The following PSMD1 variants were observed in gnomAD, a reference collection of about 807,000 sequenced individuals.
The protein encoded by PSMD1 is proteasome 26S subunit, non-ATPase 1.
A neutral mutation model predicts 119.0 loss-of-function variants in PSMD1; 18 were observed. The ratio of observed to expected loss-of-function variants is 0.15; its 90% CI spans 0.10 to 0.22. PSMD1 has a LOEUF of 0.22. Ranked by LOEUF, PSMD1 falls within the 10% of genes least tolerant of loss-of-function variation. The probability of loss-of-function intolerance (pLI) is 1.00; values close to 1 mark genes in which losing one functional copy is unlikely to be tolerated. For missense variants in PSMD1, 702 were observed against 1,158.5 expected (o/e 0.61, Z 5.72); for synonymous variants, 374 against 396.6 (o/e 0.94, Z 0.68).
In PSMD1 at chr2:231,146,233, C is replaced by A. The variant is rs367685231; in HGVS notation, c.1999-7C>A. On this transcript the variant is annotated splice_region_variant and splice_polypyrimidine_tract_variant and intron_variant, in intron 17 of 24. Coordinates refer to ENST00000308696, the MANE Select transcript of PSMD1 (RefSeq NM_002807.4). ...TAAAAGTTGTGTGTTTTTTTAAATT[C>A]TTTCAGGAAGCCATTAATTTGCTAG... The A allele has an allele frequency of 1.9e-6, 3 of 1,594,792 alleles. No individual in the cohort carries two copies. Among genetic ancestry groups the A allele is most frequent in the East Asian group, 4.5e-5 (2 of 44,672 alleles).
At chr2:231,152,050 G>A (rs1303780637) in intron 18 of PSMD1, among the ~76,000 whole-genome samples, 2 of 152,094 alleles carry the variant, frequency 1.3e-5, no homozygotes, top group Admixed American at 1.3e-4. Flanking sequence ...CTGACCTCAG[G>A]TGATTCACCT....
chr2:231,094,123 T>C (rs1044385280), intron 16 of PSMD1, among the ~76,000 whole-genome samples: 4 of 152,124 alleles, frequency 2.6e-5, no homozygotes, highest in African/African-American at 9.7e-5. Context: ...CCTCTAGGGT[T>C]AACACCTGTT....
chr2:231,123,620 C>T lies in PSMD1; in HGVS notation c.1884-15116C>T, dbSNP rs751825504. 26 of 1,613,972 alleles carry T rather than the reference C, an allele frequency of 1.6e-5. No individual in the cohort carries two copies. In the African/African-American group the frequency reaches 2.9e-4, roughly 18 times the overall value. On this transcript the variant is annotated intron_variant, in intron 16 of 24. Transcript: ENST00000308696. Reference sequence around the variant, plus strand: ...GCCCAGTGCAGTTTATTTCCCTGTTCCTCAACAATCTGTTTCATTTCCTCT... The same window carrying T: ...GCCCAGTGCAGTTTATTTCCCTGTTTCTCAACAATCTGTTTCATTTCCTCT...
chr2:231,157,646 A>AACCTCC (rs1696541999), intron 19 of PSMD1, among the ~76,000 whole-genome samples: 1 of 151,798 alleles, frequency 6.6e-6, no homozygotes, highest in Non-Finnish European at 1.5e-5. Context: ...GGCTCACTGC[A>AACCTCC]ACCTCCACCT....
intron 1 of PSMD1, 137 bp downstream of exon 1, chr2:231,057,178 C>T: frequency 8.9e-7 from 1 of 1,120,998 alleles, no homozygotes. Flanking sequence ...GGGCCCACCC[C>T]CGGGCCGGGG....
intron 12 of PSMD1, 71 bp from the exon 13 acceptor site, chr2:231,082,812 T>G: frequency 1.7e-6 from 2 of 1,145,912 alleles, no homozygotes; most frequent in Non-Finnish European, 2.6e-6. Flanking sequence ...AACTGTATTT[T>G]GAAATTAGAA....
rs1415188385 is a variant in PSMD1, at chr2:231,120,148, C to T, written c.1884-18588C>T. ...TGTATTTTTAGTAGGGACAGGGTTT[C>T]GCCATCTTGGCCAGGCTGGTCTCGA... On this transcript the variant is annotated intron_variant, in intron 16 of 24. Transcript: ENST00000308696. Among the ~76,000 whole-genome samples, 4 of 152,042 alleles carry T rather than the reference C, an allele frequency of 2.6e-5. 1 individual carries two copies. The highest frequency in any genetic ancestry group is 3.9e-4 in the East Asian group (2 of 5,152).
At chr2:231,108,049 C>G (rs116753202) in intron 16 of PSMD1, among the ~76,000 whole-genome samples, 184 of 152,354 alleles carry the variant, frequency 1.2e-3, no homozygotes, top group Non-Finnish European at 2.1e-3. Flanking sequence ...AATCTTAACT[C>G]ACCTCCAGAT....
rs2125162693 is a variant in PSMD1 at position 231,072,556 on chromosome 2, G to C, written c.881+141G>C. On this transcript the variant is annotated intron_variant, in intron 7 of 24. Transcript: ENST00000308696. ...ATAGATTGTAAAGTCTTATTAGGCT[G>C]TTGCTCTGTTTTGTACTGTGCTGGG... 5.4e-6 allele frequency: 4 copies of C among 738,024 alleles called. No individual in the cohort carries two copies. The East Asian group carries it at 1.1e-4, about 20-fold the overall frequency. 45.7% of individuals were successfully genotyped at this position (738,024 alleles called of 1,614,324 possible).
intron 16 of PSMD1, chr2:231,125,010 A>C (rs564443154): frequency 3.3e-5 from 5 of 152,172 alleles, no homozygotes; most frequent in African/African-American, 1.2e-4. Context: ...ATGTCATCTT[A>C]TCTGTTCACT....
intron 1 of PSMD1, 145 bp downstream of exon 1, chr2:231,057,186 G>T (rs1472934055): frequency 3.8e-6 from 4 of 1,048,568 alleles, no homozygotes; most frequent in South Asian, 3.6e-5. Flanking sequence ...CCCCGGGCCG[G>T]GGGGCTGGGA....
intron 16 of PSMD1, among the ~76,000 whole-genome samples, chr2:231,118,933 T>C (rs946123861): frequency 5.9e-5 from 9 of 152,220 alleles, no homozygotes; most frequent in Admixed American, 2.0e-4. Context: ...TTTTCAAATA[T>C]ACATTTATCT....
At chr2:231,103,614 C>G (rs568599792) in intron 16 of PSMD1, among the ~76,000 whole-genome samples, 1 of 152,228 alleles carries the variant, frequency 6.6e-6, no homozygotes, top group African/African-American at 2.4e-5. Flanking sequence ...CATTTACATT[C>G]TTTTTGTACT....
chr2:231,170,381 T>C lies in PSMD1; in HGVS notation c.2716-185T>C, dbSNP rs1029114464. Reference sequence around the variant, plus strand: ...CACATGTTATACCATCTAGAGCTACTGGGTTAAGTTTGCAAATACTTCGTA... The same window carrying C: ...CACATGTTATACCATCTAGAGCTACCGGGTTAAGTTTGCAAATACTTCGTA... On this transcript the variant is annotated intron_variant, in intron 23 of 24. Transcript: ENST00000308696. This position sits in a 1 kb window ranked among gnomAD's most constrained non-coding sequence, Gnocchi z 4.1. 1 of 519,100 alleles carries C rather than the reference T, an allele frequency of 1.9e-6. No individual in the cohort carries two copies. The highest frequency in any genetic ancestry group is 3.8e-5 in the Admixed American group (1 of 26,148). 32.2% of individuals were successfully genotyped at this position (519,100 alleles called of 1,614,324 possible).
intron 16 of PSMD1, among the ~76,000 whole-genome samples, chr2:231,092,328 C>T (rs922439454): frequency 4.6e-5 from 7 of 152,072 alleles, no homozygotes; most frequent in South Asian, 2.1e-4. Context: ...TCCCTGCACT[C>T]GGGTCACAAA....
chr2:231,144,446 T>TG, intron 17 of PSMD1, among the ~76,000 whole-genome samples: 1 of 114,620 alleles, frequency 8.7e-6, no homozygotes, highest in Non-Finnish European at 1.8e-5. Flanking sequence ...TTTTTTTTTT[T>TG]TTTTGTATTT....
At chr2:231,155,719 G>T (rs1162914106) in intron 19 of PSMD1, among the ~76,000 whole-genome samples, 2 of 151,606 alleles carry the variant, frequency 1.3e-5, no homozygotes, top group East Asian at 3.9e-4. Flanking sequence ...GTCTAATGGA[G>T]TTTTTTGTTT....
In PSMD1 at chr2:231,072,251, A is replaced by G. The variant is rs1461889827; in HGVS notation, c.717A>G (p.Glu239=). 2.5e-6 allele frequency: 4 copies of G among 1,613,852 alleles called. No homozygotes were observed. The Admixed American group carries it at 6.7e-5, about 27-fold the overall frequency. ...VSDILEKLVK[E]DNLLMAYQIC... The stretch of plus-strand genomic sequence containing the variant: ...ATATCTTAGAGAAACTGGTAAAGGA[A>G]GACAACCTCCTGATGGCATATCAGA... The change falls in exon 7 of 25, where the codon GAA becomes GAG. Residue 239 remains glutamate, a synonymous_variant. Transcript: ENST00000308696.
At position 231,067,092 on chromosome 2, in the gene PSMD1, A is replaced by C. The variant is rs75044156; in HGVS notation, c.491A>C (p.Glu164Ala). ...ALETRRLDVF[E>A]KTILESNDVP... is the part of the protein sequence containing the mutation. ...GAGACACGAAGACTGGACGTCTTTGAAAAGACCATACTGGAGTCGGTAGGT... is the reference window on the plus strand; with the variant it reads ...GAGACACGAAGACTGGACGTCTTTGCAAAGACCATACTGGAGTCGGTAGGT... The change falls in exon 5 of 25, where the codon GAA becomes GCA. Residue 164 changes from glutamate (E) to alanine (A), a missense_variant. Physicochemically the swap from Glu to Ala is moderately radical, Grantham distance 107. Transcript: ENST00000308696. 4.5e-4 allele frequency: 718 copies of C among 1,606,146 alleles called. 2 individuals carry two copies. The African/African-American group carries it at 9.0e-3, about 20-fold the overall frequency.
Sources: gnomAD v4.1 joint callset for allele counts (sites outside exome capture counted in the v4.1 genomes callset) on GRCh38, gnomAD v4.1.1 for gene constraint, Gnocchi (gnomAD v3.1) non-coding constraint, MANE v1.5 for transcripts, NCBI Gene and HGNC (gene_info 2026-07-23, HGNC 2026-07-21) for gene names.